The following ATP2B3 variants were observed in gnomAD, a reference collection of about 807,000 sequenced individuals.
ATP2B3 encodes the protein plasma membrane calcium-transporting ATPase 3.
A neutral mutation model predicts 70.8 loss-of-function variants in ATP2B3; 12 were observed. That is an observed-to-expected ratio of 0.17 (90% CI 0.11 to 0.27). ATP2B3 has a LOEUF of 0.27. Among genes scored for constraint, ATP2B3 ranks in the 10% least tolerant of loss-of-function variants. The pLI is 1.00. For synonymous variants in ATP2B3, 460 were observed against 497.8 expected (o/e 0.92, Z 1.01); for missense variants, 858 against 1,118.5 (o/e 0.77, Z 3.32).
intron 2 of ATP2B3, 92 bp from the exon 3 acceptor site, chrX:153,536,030 T>C: frequency 2.2e-6 from 1 of 458,181 alleles, no homozygotes; most frequent in Non-Finnish European, 3.9e-6. Context: ...TGGCACAGAC[T>C]GAGTGAAGAT....
chrX:153,579,945 C>A (rs1557022235), intron 21 of ATP2B3, 33 bp from the exon 22 acceptor site: 19 of 1,169,246 alleles, frequency 1.6e-5, no homozygotes, highest in Non-Finnish European at 2.1e-5. Flanking sequence ...CCTGCTCCCA[C>A]CTCGCGCCCT....
intron 21 of ATP2B3, among the ~76,000 whole-genome samples, chrX:153,568,454 G>A (rs1467126625): frequency 5.4e-5 from 6 of 110,732 alleles, no homozygotes; most frequent in East Asian, 2.8e-4. Context: ...CACTTTTGCC[G>A]CAGCGAGAGT....
In ATP2B3 at chrX:153,548,851, C is replaced by G; in HGVS notation, c.1335C>G (p.Val445=). Residue 445 remains valine, a synonymous_variant, in exon 10 of 22, where the codon GTC becomes GTG. Coordinates refer to ENST00000263519, the MANE Select transcript of ATP2B3 (RefSeq NM_001001344.3). ...LAVTISLAYS[V]KKMMKDNNLV... is the part of the protein sequence containing the mutation. ...TCACCATCTCCTTAGCTTACTCTGTCAAGGTAATCATAAAACTTACAGTTG... is the reference window on the plus strand; with the variant it reads ...TCACCATCTCCTTAGCTTACTCTGTGAAGGTAATCATAAAACTTACAGTTG... 1 of 1,207,470 alleles carries G rather than the reference C, an allele frequency of 8.3e-7. No individual in the cohort carries two copies. Among genetic ancestry groups the G allele is most frequent in the African/African-American group, 1.7e-5 (1 of 57,639 alleles).
intron 8 of ATP2B3, among the ~76,000 whole-genome samples, chrX:153,547,603 G>A (rs2090388469): frequency 9.0e-6 from 1 of 111,564 alleles, no homozygotes; most frequent in Non-Finnish European, 1.9e-5. Context: ...CTTCTCCCGA[G>A]AGAACCATCT....
intron 2 of ATP2B3, among the ~76,000 whole-genome samples, chrX:153,519,396 C>T (rs1286657646): frequency 8.9e-6 from 1 of 111,912 alleles, no homozygotes; most frequent in African/African-American, 3.3e-5. Flanking sequence ...AAGACCAGCC[C>T]CACTTCCTGA....
chrX:153,533,761 T>A (rs1321882787), intron 2 of ATP2B3, among the ~76,000 whole-genome samples: 1 of 111,618 alleles, frequency 9.0e-6, no homozygotes, highest in Non-Finnish European at 1.9e-5. Context: ...TGAGTCACTG[T>A]GGGTCCAGTC....
chrX:153,556,034 T>C lies in ATP2B3; in HGVS notation c.2059-15T>C. ...TTGCCTCGATGGCCCCGCCCACCTC[T>C]CTTGTCTCTTCTAGGTCCCTGAAGC... On this transcript the variant is annotated splice_polypyrimidine_tract_variant and intron_variant, in intron 13 of 21. Transcript: ENST00000263519. 1 of 1,211,948 alleles carries C rather than the reference T, an allele frequency of 8.3e-7. No individual in the cohort carries two copies. Among genetic ancestry groups the C allele is most frequent in the South Asian group, 1.8e-5 (1 of 57,012 alleles).
Position 153,550,074 on chromosome X carries a change from C to T in ATP2B3, c.1611C>T (p.Arg537=). The part of the protein sequence containing the change: ...LPPEKEGALP[R]QVGNKTECAL... ...CTGAGAAGGAAGGCGCCCTCCCACGCCAGGTGGGCAATAAGACGGAGTGCG... is the reference window on the plus strand; with the variant it reads ...CTGAGAAGGAAGGCGCCCTCCCACGTCAGGTGGGCAATAAGACGGAGTGCG... Residue 537 remains arginine, a synonymous_variant, in exon 12 of 22, where the codon CGC becomes CGT. Coordinates refer to ENST00000263519, the MANE Select transcript of ATP2B3 (RefSeq NM_001001344.3). 1 of 1,211,698 alleles carries T rather than the reference C, an allele frequency of 8.3e-7. No individual in the cohort carries two copies. The highest frequency in any genetic ancestry group is 2.2e-5 in the Admixed American group (1 of 46,164).
At chrX:153,546,318 CA>C (rs1384534174) in intron 8 of ATP2B3, among the ~76,000 whole-genome samples, 189 bp downstream of exon 8, 3 of 112,131 alleles carry the variant, frequency 2.7e-5, no homozygotes, top group Admixed American at 9.4e-5. Context: ...TGGGGCTGCT[CA>C]GGGCATCCTG....
At position 153,536,342 on chromosome X, in the gene ATP2B3, C is replaced by T. The variant is rs782137713; in HGVS notation, c.95C>T (p.Ala32Val). Residue 32 changes from alanine (A) to valine (V), a missense_variant, in exon 3 of 22, where the codon GCG becomes GTG. Physicochemically the swap from Ala to Val is moderately conservative, Grantham distance 64. Around this residue, in one of 5 missense-constraint regions of ATP2B3, gnomAD observed 278 missense variants for 366.2 expected, o/e 0.76. Transcript: ENST00000263519. ...GCTGGAGGCTTTGGGTGCACGCTGG[C>T]GGAGCTGCGCACCCTCATGGAGCTG... ...PQAGGFGCTLAELRTLMELRG... is the reference protein window; with the variant it reads ...PQAGGFGCTLVELRTLMELRG... 1.8e-5 allele frequency: 21 copies of T among 1,198,668 alleles called. No homozygotes were observed. The highest frequency in any genetic ancestry group is 1.2e-4 in the East Asian group (4 of 33,332).
chrX:153,560,952 G>C, intron 19 of ATP2B3, 65 bp downstream of exon 19: 5 of 1,161,722 alleles, frequency 4.3e-6, no homozygotes, highest in Non-Finnish European at 5.8e-6. Context: ...TGGGCTTCAA[G>C]ACCCCTCGTC....
intron 21 of ATP2B3, chrX:153,569,980 CTTTGCTTTGT>C (rs1454399762): frequency 2.2e-4 from 92 of 418,637 alleles, no homozygotes; most frequent in Non-Finnish European, 3.2e-4. Context: ...ACCTCCCGTT[CTTTGCTTTGT>C]TTGGTTTTTC....
intron 7 of ATP2B3, among the ~76,000 whole-genome samples, chrX:153,544,463 C>T (rs1176034426): frequency 8.9e-6 from 1 of 111,909 alleles, no homozygotes; most frequent in Non-Finnish European, 1.9e-5. Context: ...CTCCCAGGCC[C>T]CACCTGGCCC....
chrX:153,521,807 C>T (rs1485958116), intron 2 of ATP2B3, among the ~76,000 whole-genome samples: 1 of 112,202 alleles, frequency 8.9e-6, no homozygotes, highest in Non-Finnish European at 1.9e-5. Context: ...GCTCAGGAGC[C>T]ACCCAAGGCT....
intron 7 of ATP2B3, among the ~76,000 whole-genome samples, chrX:153,545,579 G>A (rs2090352692): frequency 8.9e-6 from 1 of 112,791 alleles, no homozygotes; most frequent in Non-Finnish European, 1.9e-5. Context: ...GCTGAGGCAG[G>A]AGGATCGCTT....
intron 17 of ATP2B3, 99 bp from the exon 18 acceptor site, chrX:153,559,630 A>G: frequency 1.4e-6 from 1 of 692,507 alleles, no homozygotes; most frequent in South Asian, 2.4e-5. Flanking sequence ...AATCCTGGTG[A>G]TGTGGACCCC....
chrX:153,521,086 G>A (rs981557797), intron 2 of ATP2B3, among the ~76,000 whole-genome samples: 10 of 113,304 alleles, frequency 8.8e-5, no homozygotes, highest in Non-Finnish European at 1.5e-4. Context: ...TGGTACTGAA[G>A]GCAAACACTT....
chrX:153,556,025 G>A (rs1375338852), intron 13 of ATP2B3, 24 bp from the exon 14 acceptor site: 4 of 1,210,060 alleles, frequency 3.3e-6, no homozygotes, highest in African/African-American at 3.5e-5. Flanking sequence ...CGATGGCCCC[G>A]CCCACCTCTC....
intron 2 of ATP2B3, among the ~76,000 whole-genome samples, chrX:153,525,120 G>A (rs2090012111): frequency 8.9e-6 from 1 of 112,295 alleles, no homozygotes; most frequent in Non-Finnish European, 1.9e-5. Flanking sequence ...AACAAAGCCG[G>A]CAGTACAAGA....
Sources: allele counts gnomAD v4.1 joint callset (sites outside exome capture counted in the v4.1 genomes callset), GRCh38; gene constraint gnomAD v4.1.1; regional missense constraint gnomAD v4.1.1; transcripts MANE v1.5; gene names NCBI Gene and HGNC (gene_info 2026-07-23, HGNC 2026-07-21).